Variants in RBM44 observed in about 807,000 individuals in gnomAD.
RBM44 encodes the protein RNA binding motif protein 44.
In RBM44, 66 loss-of-function variants were observed where a neutral mutation model predicts 105.1. The observed-to-expected ratio is 0.63, with a 90% CI of 0.52 to 0.77. The LOEUF is 0.77. RBM44 is among the 30% of genes least tolerant of loss of function. The pLI is 0.00. For synonymous variants in RBM44, 365 were observed against 417.6 expected (o/e 0.87, Z 1.54); for missense variants, 1,122 against 1,207.8 (o/e 0.93, Z 1.05).
At chr2:237,819,133 G>A (rs1337759426) in intron 4 of RBM44, among the ~76,000 whole-genome samples, 174 bp downstream of exon 4, 1 of 151,984 alleles carries the variant, frequency 6.6e-6, no homozygotes, top group Non-Finnish European at 1.5e-5. Flanking sequence ...GAATATTAAA[G>A]CTCTTCACTT....
chr2:237,832,068 G>T (rs539726118), intron 13 of RBM44, among the ~76,000 whole-genome samples: 3 of 151,840 alleles, frequency 2.0e-5, no homozygotes, highest in Non-Finnish European at 4.4e-5. Flanking sequence ...CCCCCATTTG[G>T]CTTTGTTTTG....
chr2:237,826,536 C>A (rs972080044), intron 10 of RBM44, among the ~76,000 whole-genome samples: 2 of 151,938 alleles, frequency 1.3e-5, no homozygotes, highest in African/African-American at 4.8e-5. Flanking sequence ...TTATATTGCC[C>A]AATTAAAAGG....
intron 1 of RBM44, among the ~76,000 whole-genome samples, chr2:237,801,793 C>CT (rs1287402600): frequency 6.6e-6 from 1 of 152,164 alleles, no homozygotes; most frequent in Non-Finnish European, 1.5e-5. Flanking sequence ...CCATCATTTA[C>CT]TTTTTTGATA....
chr2:237,801,914 C>G (rs1057422659), intron 1 of RBM44, among the ~76,000 whole-genome samples: 3 of 152,116 alleles, frequency 2.0e-5, no homozygotes, highest in African/African-American at 7.2e-5. Context: ...AAAGTAGGTA[C>G]AGGTTATATT....
At chr2:237,809,391 T>G (rs76497670) in intron 1 of RBM44, among the ~76,000 whole-genome samples, 4,621 of 152,264 alleles carry the variant, frequency 0.03, 233 homozygotes, top group African/African-American at 0.1. Context: ...CTCCTTTCTT[T>G]GTTTCCCTTT....
intron 9 of RBM44, among the ~76,000 whole-genome samples, chr2:237,824,025 A>G (rs73086776): frequency 0.026 from 3,899 of 152,262 alleles, 162 homozygotes; most frequent in African/African-American, 0.087. Context: ...AAGGGTTTCA[A>G]TAAGCCGGGA....
At chr2:237,833,802 G>C (rs1229488099) in intron 13 of RBM44, among the ~76,000 whole-genome samples, 195 bp from the exon 14 acceptor site, 2 of 152,110 alleles carry the variant, frequency 1.3e-5, no homozygotes, top group African/African-American at 4.8e-5. Flanking sequence ...TGTTGGGTAT[G>C]TTTTGTACTA....
At chr2:237,805,953 C>T (rs2061595261) in intron 1 of RBM44, among the ~76,000 whole-genome samples, 1 of 152,120 alleles carries the variant, frequency 6.6e-6, no homozygotes, top group Admixed American at 6.6e-5. Flanking sequence ...TTACTCCAGC[C>T]TGGGTGACAG....
chr2:237,827,375 T>C, intron 11 of RBM44, 46 bp downstream of exon 11: 6 of 1,442,068 alleles, frequency 4.2e-6, no homozygotes, highest in Non-Finnish European at 5.7e-6. Context: ...AATTTATTAG[T>C]TGTTCATATT....
chr2:237,836,191 C>T (rs756912736), intron 15 of RBM44, among the ~76,000 whole-genome samples: 10 of 152,178 alleles, frequency 6.6e-5, no homozygotes, highest in African/African-American at 2.4e-4. Context: ...GCTCATTTAC[C>T]GTTCTGAAAA....
At chr2:237,831,949 T>G (rs2061907843) in intron 13 of RBM44, among the ~76,000 whole-genome samples, 1 of 152,112 alleles carries the variant, frequency 6.6e-6, no homozygotes, top group African/African-American at 2.4e-5. Flanking sequence ...GCTCTCCCTT[T>G]CTTCTCTCGT....
chr2:237,835,225 T>G (rs2061947691), intron 15 of RBM44, among the ~76,000 whole-genome samples: 1 of 152,164 alleles, frequency 6.6e-6, no homozygotes, highest in South Asian at 2.1e-4. Context: ...ACTGGCTGTT[T>G]CCCCATCTCT....
At chr2:237,806,117 A>G (rs1373553446) in intron 1 of RBM44, among the ~76,000 whole-genome samples, 1 of 152,198 alleles carries the variant, frequency 6.6e-6, no homozygotes, top group Non-Finnish European at 1.5e-5. Context: ...GGTGGTTTTC[A>G]AGGAAGTTTG....
chr2:237,828,620 G>T (rs1349121320), intron 12 of RBM44, among the ~76,000 whole-genome samples: 1 of 152,080 alleles, frequency 6.6e-6, no homozygotes, highest in African/African-American at 2.4e-5. Flanking sequence ...CTCTTCCCGG[G>T]ATTTGGTATA....
At chr2:237,838,581 T>C (rs1436058923) in intron 15 of RBM44, among the ~76,000 whole-genome samples, 1 of 152,134 alleles carries the variant, frequency 6.6e-6, no homozygotes, top group African/African-American at 2.4e-5. Flanking sequence ...TGAGAGGGGA[T>C]TAAGTATTCT....
At chr2:237,815,911 A>G (rs1323700599) in intron 2 of RBM44, among the ~76,000 whole-genome samples, 1 of 151,896 alleles carries the variant, frequency 6.6e-6, no homozygotes, top group Non-Finnish European at 1.5e-5. Context: ...AATGACTACA[A>G]CTCAATTCCA....
At position 237,820,233 on chromosome 2, in the gene RBM44, A is replaced by T. The variant is rs771085801; in HGVS notation, c.1795A>T (p.Ile599Leu). Reference sequence around the variant, plus strand: ...TTTGCCATCAATGTGCTGTCAGAAGATAATGCAGAGAGCCATAAAAGCAGA... The same window carrying T: ...TTTGCCATCAATGTGCTGTCAGAAGTTAATGCAGAGAGCCATAAAAGCAGA... The part of the protein sequence containing the change: ...KDLPSMCCQK[I>L]MQRAIKAELH... Residue 599 changes from isoleucine (I) to leucine (L), a missense_variant, in exon 5 of 16, where the codon ATA becomes TTA. Ile to Leu is a conservative substitution (Grantham distance 5, BLOSUM62 2). This residue lies in a region of RBM44 where 918 missense variants were observed against 955.3 expected (regional missense o/e 0.96). Coordinates refer to ENST00000316997, the MANE Select transcript of RBM44 (RefSeq NM_001080504.3). 1 of 1,590,552 alleles carries T rather than the reference A, an allele frequency of 6.3e-7. No individual in the cohort carries two copies. Among genetic ancestry groups the T allele is most frequent in the Non-Finnish European group, 8.6e-7 (1 of 1,166,764 alleles).
intron 1 of RBM44, among the ~76,000 whole-genome samples, chr2:237,805,053 A>G (rs1358501818): frequency 6.6e-6 from 1 of 152,204 alleles, no homozygotes; most frequent in Non-Finnish European, 1.5e-5. Context: ...AGGAAGTCAA[A>G]CTGTCTCTGC....
chr2:237,820,048 T>C (rs2061766908), intron 4 of RBM44, 127 bp from the exon 5 acceptor site: 1 of 484,612 alleles, frequency 2.1e-6, no homozygotes, highest in African/African-American at 2.0e-5. Context: ...AGCCTCTTCA[T>C]CTTTAGTATA....
Sources: allele counts gnomAD v4.1 joint callset (sites outside exome capture counted in the v4.1 genomes callset), GRCh38; gene constraint gnomAD v4.1.1; regional missense constraint gnomAD v4.1.1; transcripts MANE v1.5; gene names NCBI Gene and HGNC (gene_info 2026-07-23, HGNC 2026-07-21).